NUP210: variants seen among roughly 807,000 people sequenced by gnomAD.
NUP210 encodes the protein nucleoporin 210, also known as nuclear pore membrane glycoprotein 210.
NUP210 carries 151 observed loss-of-function variants against 196.0 expected under a neutral mutation model. The observed-to-expected ratio is 0.77, with a 90% CI of 0.67 to 0.88. The LOEUF (loss-of-function observed/expected upper bound fraction) is 0.88, where lower values mean the gene tolerates loss of function less well. Ranked by LOEUF, NUP210 falls within the 40% of genes least tolerant of loss-of-function variation. The pLI is 0.00. For missense variants in NUP210, 2,314 were observed against 2,493.7 expected (o/e 0.93, Z 1.53); for synonymous variants, 1,070 against 1,052.7 (o/e 1.02, Z -0.32).
chr3:13,325,037 C>T (rs574741228), intron 33 of NUP210, among the ~76,000 whole-genome samples: 1 of 152,296 alleles, frequency 6.6e-6, no homozygotes, highest in Non-Finnish European at 1.5e-5. Flanking sequence ...CTGTAGATGC[C>T]CCACCCTCAA....
Position 13,347,062 on chromosome 3 carries a change from C to T in NUP210, c.2836-3759G>A. On this transcript the variant is annotated intron_variant, in intron 20 of 39. Coordinates refer to ENST00000254508, the MANE Select transcript of NUP210 (RefSeq NM_024923.4). This position sits in a 1 kb window ranked among gnomAD's most constrained non-coding sequence, Gnocchi z 4.7. Reference sequence around the variant, plus strand: ...CAGGCCCTGCAATTGCCACCCACTCCCCACTCATCCTGGACACATGTCCTC... The same window carrying T: ...CAGGCCCTGCAATTGCCACCCACTCTCCACTCATCCTGGACACATGTCCTC... The T allele has an allele frequency of 1.0e-6, 1 of 985,438 alleles. No individual in the cohort carries two copies. The allele number at this position is 985,438 out of a possible 1,614,324, so 61.0% of individuals were successfully genotyped here. A position where few individuals can be genotyped will look rare whatever the true frequency, so the allele number is the denominator to read the frequency against.
chr3:13,414,466 G>C (rs1185797247), intron 1 of NUP210, among the ~76,000 whole-genome samples: 2 of 151,510 alleles, frequency 1.3e-5, no homozygotes, highest in Non-Finnish European at 2.9e-5. Flanking sequence ...AGCCCTCAGG[G>C]GCCAGGGAGA....
chr3:13,414,213 A>G (rs1370157907), intron 1 of NUP210, among the ~76,000 whole-genome samples: 1 of 152,284 alleles, frequency 6.6e-6, no homozygotes, highest in Non-Finnish European at 1.5e-5. Flanking sequence ...GCCACCTCCC[A>G]TCCACCCGCG....
chr3:13,336,729 C>A, intron 27 of NUP210, 58 bp downstream of exon 27: 1 of 1,569,852 alleles, frequency 6.4e-7, no homozygotes. Flanking sequence ...CCCTGCCACT[C>A]GGGGTGCTGG....
At chr3:13,366,516 CTT>C (rs58529748) in intron 13 of NUP210, among the ~76,000 whole-genome samples, 91 of 110,806 alleles carry the variant, frequency 8.2e-4, no homozygotes, top group East Asian at 1.3e-3. Flanking sequence ...TGATTTCTTT[CTT>C]TTTTTTTTTT....
At chr3:13,322,469 G>A (rs1696579950) in intron 34 of NUP210, 130 bp from the exon 35 acceptor site, 12 of 1,004,136 alleles carry the variant, frequency 1.2e-5, no homozygotes, top group Middle Eastern at 3.1e-4. Flanking sequence ...CAGGGCCCCA[G>A]GGCGGCTCAA....
intron 1 of NUP210, among the ~76,000 whole-genome samples, chr3:13,406,721 C>T (rs535532622): frequency 1.2e-4 from 19 of 152,298 alleles, no homozygotes; most frequent in South Asian, 8.3e-4. Flanking sequence ...AATGAATAGC[C>T]ACTCCTCTAA....
intron 8 of NUP210, among the ~76,000 whole-genome samples, chr3:13,378,424 C>A (rs1338674574): frequency 4.6e-5 from 7 of 152,260 alleles, no homozygotes; most frequent in Non-Finnish European, 1.0e-4. Flanking sequence ...CACACCATTG[C>A]CTAAGCAATT....
chr3:13,373,908 C>T (rs1698812827), intron 11 of NUP210, 35 bp from the exon 12 acceptor site: 1 of 1,606,674 alleles, frequency 6.2e-7, no homozygotes, highest in Admixed American at 1.7e-5. Flanking sequence ...ACCAGCCACC[C>T]ACCCTTAGCC....
chr3:13,339,930 G>A lies in NUP210; in HGVS notation c.3395C>T (p.Ala1132Val), dbSNP rs1421438209. The A allele has an allele frequency of 1.2e-6, 2 of 1,613,898 alleles. No homozygotes were observed. The highest frequency in any genetic ancestry group is 1.7e-6 in the Non-Finnish European group (2 of 1,180,048). ...VSAAGLVQGL[A>V]IGNGTVSGLV... is the part of the protein sequence containing the mutation. ...CCCAGACACAGTGCCGTTCCCGATG[G>A]CGAGGCCCTGTACCAGCCCAGCAGC... The change falls in exon 25 of 40, where the codon GCC becomes GTC. Residue 1132 changes from alanine (A) to valine (V), a missense_variant. Physicochemically the swap from Ala to Val is moderately conservative, Grantham distance 64 (BLOSUM62 0). Coordinates refer to ENST00000254508, the MANE Select transcript of NUP210 (RefSeq NM_024923.4).
chr3:13,340,040 G>T lies in NUP210; in HGVS notation c.3292-7C>A. 1 of 1,612,560 alleles carries T rather than the reference G, an allele frequency of 6.2e-7. No homozygotes were observed. Among genetic ancestry groups the T allele is most frequent in the Non-Finnish European group, 8.5e-7 (1 of 1,179,080 alleles). ...GGCCGCCCTCGGAGGTGACCTGAGCGGGGAGGAAACAGCGGCGTGTCAGTG... is the reference window on the plus strand; with the variant it reads ...GGCCGCCCTCGGAGGTGACCTGAGCTGGGAGGAAACAGCGGCGTGTCAGTG... On this transcript the variant is annotated splice_region_variant and splice_polypyrimidine_tract_variant and intron_variant, in intron 24 of 39. Coordinates refer to ENST00000254508, the MANE Select transcript of NUP210 (RefSeq NM_024923.4). The surrounding 1 kb of genome is among the most constrained non-coding windows in gnomAD (Gnocchi z 4.0).
In NUP210 at chr3:13,402,040, A is replaced by T. The variant is rs561120248; in HGVS notation, c.168-2179T>A. On this transcript the variant is annotated intron_variant, in intron 1 of 39. Transcript: ENST00000254508. ...TGAGACGCCATCTCTACAAAAAAAA[A>T]TTTTTTTAATTAGCCAGTTATGGTG... Among the ~76,000 whole-genome samples, 273 of 152,162 alleles carry T rather than the reference A, an allele frequency of 1.8e-3. 1 individual carries two copies. The highest frequency in any genetic ancestry group is 6.0e-3 in the African/African-American group (248 of 41,512).
chr3:13,319,388 T>C (rs1696412862), intron 37 of NUP210, 63 bp from the exon 38 acceptor site: 1 of 1,352,848 alleles, frequency 7.4e-7, no homozygotes, highest in African/African-American at 1.4e-5. Context: ...CCCATCACGT[T>C]CCTGCCCTAC....
At chr3:13,343,437 C>T in intron 20 of NUP210, 134 bp from the exon 21 acceptor site, 1 of 1,149,468 alleles carries the variant, frequency 8.7e-7, no homozygotes. Context: ...AGTGGCAGAG[C>T]CCGCCAGGCC....
intron 1 of NUP210, among the ~76,000 whole-genome samples, chr3:13,408,847 G>A (rs1018587037): frequency 3.9e-4 from 60 of 151,910 alleles, no homozygotes; most frequent in Non-Finnish European, 7.4e-5. Flanking sequence ...TGTACCAAGT[G>A]GAACAGAAGG....
At chr3:13,405,926 C>A (rs1227842849) in intron 1 of NUP210, among the ~76,000 whole-genome samples, 1 of 152,174 alleles carries the variant, frequency 6.6e-6, no homozygotes, top group Non-Finnish European at 1.5e-5. Flanking sequence ...TATTTTTTAA[C>A]AGACTCATTA....
chr3:13,355,239 G>T (rs1157025045), intron 16 of NUP210, among the ~76,000 whole-genome samples: 2 of 152,166 alleles, frequency 1.3e-5, no homozygotes, highest in African/African-American at 4.8e-5. Flanking sequence ...CGGGGAGAGG[G>T]GGATCCTGCA....
chr3:13,401,212 A>G (rs1699825565), intron 1 of NUP210, among the ~76,000 whole-genome samples: 1 of 136,406 alleles, frequency 7.3e-6, no homozygotes, highest in South Asian at 2.3e-4. Context: ...GTGAGCCAAG[A>G]TCAAGCCATT....
At chr3:13,409,868 G>A (rs1380631759) in intron 1 of NUP210, among the ~76,000 whole-genome samples, 2 of 149,516 alleles carry the variant, frequency 1.3e-5, no homozygotes, top group East Asian at 2.0e-4. Context: ...ACGGAGTCTC[G>A]TTCTGTCACC....
Sources: allele counts gnomAD v4.1 joint callset (sites outside exome capture counted in the v4.1 genomes callset), GRCh38; gene constraint gnomAD v4.1.1; non-coding constraint Gnocchi (gnomAD v3.1); transcripts MANE v1.5; gene names NCBI Gene and HGNC (gene_info 2026-07-23, HGNC 2026-07-21).